DNER: variants seen among roughly 807,000 people sequenced by gnomAD.
DNER encodes delta and Notch-like epidermal growth factor-related receptor.
A neutral mutation model predicts 78.2 loss-of-function variants in DNER; 33 were observed. That is an observed-to-expected ratio of 0.42 (90% CI 0.32 to 0.56). The LOEUF (loss-of-function observed/expected upper bound fraction) is 0.56, where lower values mean the gene tolerates loss of function less well. Among genes scored for constraint, DNER ranks in the 20% least tolerant of loss-of-function variants. The probability of loss-of-function intolerance (pLI) is 0.11; values close to 1 mark genes in which losing one functional copy is unlikely to be tolerated. For missense variants in DNER, 918 were observed against 975.3 expected (o/e 0.94, Z 0.78); for synonymous variants, 417 against 384.8 (o/e 1.08, Z -0.98).
chr2:229,387,889 GTGTT>G (rs10595443), intron 11 of DNER, among the ~76,000 whole-genome samples: 57,867 of 148,222 alleles, frequency 0.39, 11,863 homozygotes, highest in Middle Eastern at 0.5. Context: ...GTGTGTGTGT[GTGTT>G]TTTTAATTTT....
chr2:229,567,312 G>T (rs1431197461), intron 4 of DNER, among the ~76,000 whole-genome samples: 1 of 152,176 alleles, frequency 6.6e-6, no homozygotes, highest in Non-Finnish European at 1.5e-5. Flanking sequence ...AGAGACTTTT[G>T]TCTGATTTGT....
At chr2:229,627,250 A>G (rs1343968016) in intron 1 of DNER, among the ~76,000 whole-genome samples, 1 of 152,216 alleles carries the variant, frequency 6.6e-6, no homozygotes, top group Non-Finnish European at 1.5e-5. Context: ...GCACCTACAG[A>G]TGCAGACTGC....
At chr2:229,712,874 T>A (rs73097226) in intron 1 of DNER, among the ~76,000 whole-genome samples, 22,624 of 152,064 alleles carry the variant, frequency 0.15, 1,836 homozygotes, top group African/African-American at 0.21. Context: ...ATAGATTCAG[T>A]TTGCTAATTT....
At chr2:229,374,391 A>G (rs1419032412) in intron 11 of DNER, among the ~76,000 whole-genome samples, 2 of 152,190 alleles carry the variant, frequency 1.3e-5, no homozygotes, top group African/African-American at 4.8e-5. Context: ...ATCTAAAATA[A>G]AAGTTGAATA....
intron 8 of DNER, among the ~76,000 whole-genome samples, chr2:229,440,553 C>T (rs962924664): frequency 6.6e-6 from 1 of 152,192 alleles, no homozygotes; most frequent in African/African-American, 2.4e-5. Context: ...TTTTTACACT[C>T]TCACCCTCTC....
chr2:229,537,844 TG>T (rs1696439498), intron 5 of DNER, among the ~76,000 whole-genome samples: 1 of 152,176 alleles, frequency 6.6e-6, no homozygotes, highest in Non-Finnish European at 1.5e-5. Flanking sequence ...GACAGGCTGG[TG>T]GGCTGCACCC....
At chr2:229,526,293 T>C (rs1490263782) in intron 5 of DNER, among the ~76,000 whole-genome samples, 1 of 152,246 alleles carries the variant, frequency 6.6e-6, no homozygotes, top group Admixed American at 6.5e-5. Flanking sequence ...ACATTAACAC[T>C]GCTCGCGTGT....
intron 1 of DNER, among the ~76,000 whole-genome samples, chr2:229,631,430 C>A (rs1449048562): frequency 1.3e-5 from 2 of 152,186 alleles, no homozygotes; most frequent in South Asian, 2.1e-4. Context: ...GAGCTCCCCT[C>A]CAGCTTCTTC....
intron 1 of DNER, among the ~76,000 whole-genome samples, chr2:229,613,266 C>T (rs1206552035): frequency 6.6e-6 from 1 of 152,186 alleles, no homozygotes; most frequent in African/African-American, 2.4e-5. Context: ...ACTACAGCAG[C>T]ATTTTTAGTA....
intron 4 of DNER, 53 bp from the exon 5 acceptor site, chr2:229,547,145 A>G (rs534025376): frequency 6.2e-7 from 1 of 1,602,778 alleles, no homozygotes. Flanking sequence ...CTTTAAAGGC[A>G]GTGTGTTGAA....
chr2:229,479,135 G>A (rs528597788), intron 6 of DNER, among the ~76,000 whole-genome samples: 1 of 152,166 alleles, frequency 6.6e-6, no homozygotes, highest in African/African-American at 2.4e-5. Context: ...TCCCTGCAAA[G>A]GACATGATCG....
In DNER at chr2:229,522,366, C is replaced by T. The variant is rs141817084; in HGVS notation, c.994-9430G>A. On this transcript the variant is annotated intron_variant, in intron 5 of 12. Coordinates refer to ENST00000341772, the MANE Select transcript of DNER (RefSeq NM_139072.4). ...CTTGGAGTGGTTATAATTAGGCATA[C>T]AATTTACATGTAATCAGTCTTGATC... Among the ~76,000 whole-genome samples the T allele has an allele frequency of 1.9e-3, 295 of 152,334 alleles. 2 individuals are homozygous for T. The highest frequency in any genetic ancestry group is 3.2e-3 in the Non-Finnish European group (220 of 68,026).
chr2:229,704,874 G>T (rs12473885), intron 1 of DNER, among the ~76,000 whole-genome samples: 23,236 of 152,234 alleles, frequency 0.15, 2,013 homozygotes, highest in African/African-American at 0.23. Context: ...CTAGTCAATT[G>T]GAAGCTAAAG....
At chr2:229,614,595 C>T (rs1487606881) in intron 1 of DNER, among the ~76,000 whole-genome samples, 1 of 152,092 alleles carries the variant, frequency 6.6e-6, no homozygotes, top group Non-Finnish European at 1.5e-5. Context: ...CTCTGTATGC[C>T]CCAAAGACTT....
intron 1 of DNER, among the ~76,000 whole-genome samples, chr2:229,635,379 A>C (rs901404345): frequency 2.0e-5 from 3 of 148,408 alleles, no homozygotes; most frequent in Non-Finnish European, 3.0e-5. Flanking sequence ...AAAAAAAAAA[A>C]AAAAAACTCC....
intron 7 of DNER, among the ~76,000 whole-genome samples, chr2:229,456,860 TG>T (rs1360175207): frequency 3.3e-5 from 5 of 151,612 alleles, no homozygotes; most frequent in Non-Finnish European, 7.4e-5. Context: ...TATACAGGAA[TG>T]TCACAGACAA....
chr2:229,481,825 G>A (rs1012594060), intron 6 of DNER, among the ~76,000 whole-genome samples: 1 of 152,128 alleles, frequency 6.6e-6, no homozygotes, highest in African/African-American at 2.4e-5. Context: ...TGATGGTATC[G>A]ATGCCACAGA....
intron 8 of DNER, among the ~76,000 whole-genome samples, chr2:229,429,870 G>C (rs146606823): frequency 6.6e-6 from 1 of 152,068 alleles, no homozygotes; most frequent in South Asian, 2.1e-4. Flanking sequence ...GATTAACCTC[G>C]GGGCTGGATC....
chr2:229,499,934 T>TC (rs3085470), intron 6 of DNER, among the ~76,000 whole-genome samples: 6 of 147,190 alleles, frequency 4.1e-5, no homozygotes, highest in Non-Finnish European at 7.5e-5. Context: ...TTTCTTTCTT[T>TC]TTTTTTTTTT....
Sources: allele counts gnomAD v4.1 joint callset (sites outside exome capture counted in the v4.1 genomes callset), GRCh38; gene constraint gnomAD v4.1.1; transcripts MANE v1.5; gene names NCBI Gene and HGNC (gene_info 2026-07-23, HGNC 2026-07-21).